Variants in GLS observed in about 807,000 individuals in gnomAD.
The protein encoded by GLS is glutaminase.
GLS carries 36 observed loss-of-function variants against 86.7 expected under a neutral mutation model. That is an observed-to-expected ratio of 0.42 (90% CI 0.32 to 0.55). GLS has a LOEUF of 0.55. GLS is among the 20% of genes least tolerant of loss of function. The probability of loss-of-function intolerance (pLI) is 0.17; values close to 1 mark genes in which losing one functional copy is unlikely to be tolerated. For synonymous variants in GLS, 317 were observed against 305.9 expected, an observed-to-expected ratio of 1.04 and a Z score of -0.38; for missense variants, 528 against 833.4, an observed-to-expected ratio of 0.63 and a Z score of 4.51.
intron 14 of GLS, among the ~76,000 whole-genome samples, chr2:190,945,254 G>A (rs138172158): frequency 6.6e-6 from 1 of 152,226 alleles, no homozygotes; most frequent in African/African-American, 2.4e-5. Context: ...CTATTTTGTT[G>A]TAAGTAATAT....
intron 12 of GLS, among the ~76,000 whole-genome samples, chr2:190,929,166 T>A (rs1210421454): frequency 6.6e-6 from 1 of 151,580 alleles, no homozygotes; most frequent in African/African-American, 2.4e-5. Context: ...ACATTAATTT[T>A]TTTTTTTATC....
intron 14 of GLS, among the ~76,000 whole-genome samples, chr2:190,940,187 T>C (rs1690384921): frequency 6.6e-6 from 1 of 151,960 alleles, no homozygotes; most frequent in Admixed American, 6.6e-5. Flanking sequence ...ATCCTTGAAG[T>C]ATATGCATCA....
intron 7 of GLS, among the ~76,000 whole-genome samples, chr2:190,912,448 C>G (rs72907246): frequency 0.023 from 3,170 of 138,884 alleles, 41 homozygotes; most frequent in Middle Eastern, 0.051. Flanking sequence ...TAATATTTTT[C>G]TTAGGATCTT....
At chr2:190,926,490 C>G (rs1397422447) in intron 11 of GLS, among the ~76,000 whole-genome samples, 3 of 152,114 alleles carry the variant, frequency 2.0e-5, no homozygotes, top group South Asian at 2.1e-4. Context: ...AAGTTGAACT[C>G]ATTCTTCTCC....
In GLS at chr2:190,953,650, A is replaced by G. The variant is rs370573394; in HGVS notation, c.1712+24A>G. On this transcript the variant is annotated intron_variant, in intron 15 of 17. Transcript: ENST00000320717. The surrounding 1 kb of genome is among the most constrained non-coding windows in gnomAD (Gnocchi z 4.0). Reference sequence around the variant, plus strand: ...AGGTATGTTTACAGGATGGATTAGCATGCACTTTACAGATATTTATGAAGT... The same window carrying G: ...AGGTATGTTTACAGGATGGATTAGCGTGCACTTTACAGATATTTATGAAGT... 1.6e-5 allele frequency: 24 copies of G among 1,498,796 alleles called. No homozygotes were observed. The highest frequency in any genetic ancestry group is 2.1e-5 in the Non-Finnish European group (23 of 1,075,382). The allele number at this position is 1,498,796 out of a possible 1,614,324, so 92.8% of individuals were successfully genotyped here.
In GLS at chr2:190,895,039, G is replaced by T; in HGVS notation, c.387-113G>T. On this transcript the variant is annotated intron_variant, in intron 1 of 17. Transcript: ENST00000320717. The surrounding 1 kb of genome is among the most constrained non-coding windows in gnomAD (Gnocchi z 4.2). ...ACATTTATTATGACTGTAGTCTTGAGTATATGAGCTCAGCTGTAGTCTAGT... is the reference window on the plus strand; with the variant it reads ...ACATTTATTATGACTGTAGTCTTGATTATATGAGCTCAGCTGTAGTCTAGT... 3.6e-6 allele frequency: 2 copies of T among 558,368 alleles called. No individual in the cohort carries two copies. Among genetic ancestry groups the T allele is most frequent in the Non-Finnish European group, 3.3e-6 (1 of 303,084 alleles). The allele number at this position is 558,368 out of a possible 1,614,324, so 34.6% of individuals were successfully genotyped here.
chr2:190,886,657 C>T (rs181413941), intron 1 of GLS, among the ~76,000 whole-genome samples: 22 of 152,104 alleles, frequency 1.4e-4, no homozygotes, highest in East Asian at 1.2e-3. Flanking sequence ...GGCTCATGCC[C>T]GTAATCCCAG....
chr2:190,912,505 GC>G (rs1190667170), intron 7 of GLS, among the ~76,000 whole-genome samples: 1 of 151,974 alleles, frequency 6.6e-6, no homozygotes, highest in African/African-American at 2.4e-5. Context: ...TGTGATCTCT[GC>G]AAATTGTATG....
rs1574629076 is a variant in GLS at position 190,965,107 on chromosome 2, G to A, written c.*2121G>A. 6.6e-6 allele frequency: 1 copy of A among 152,336 alleles called. No homozygotes were observed. Among genetic ancestry groups the A allele is most frequent in the Non-Finnish European group, 1.5e-5 (1 of 68,026 alleles). The allele number at this position is 152,336 out of a possible 1,614,324, so 9.4% of individuals were successfully genotyped here. A position where few individuals can be genotyped will look rare whatever the true frequency, so the allele number is the denominator to read the frequency against. ...ATTTGATTTAAATGCTGTTGACTGT[G>A]CTATTAACTGCTGCCGTCAGTAAAC... On this transcript the variant is annotated 3_prime_UTR_variant, in exon 18 of 18. Transcript: ENST00000320717. This position sits in a 1 kb window ranked among gnomAD's most constrained non-coding sequence, Gnocchi z 5.0.
chr2:190,921,793 CA>C lies in GLS; in HGVS notation c.1130+591del, dbSNP rs1432029513. Among the ~76,000 whole-genome samples the C allele has an allele frequency of 1.3e-5, 2 of 151,954 alleles. No individual in the cohort carries two copies. The highest frequency in any genetic ancestry group is 4.8e-5 in the African/African-American group (2 of 41,414). ...CTACATAACCACAATACCATTAACACATGTAAGAACGTTAACGTTAATTTTA... is the reference window on the plus strand; with the variant it reads ...CTACATAACCACAATACCATTAACACTGTAAGAACGTTAACGTTAATTTTA... On this transcript the variant is annotated intron_variant, in intron 9 of 17. Transcript: ENST00000320717. This position sits in a 1 kb window ranked among gnomAD's most constrained non-coding sequence, Gnocchi z 4.2.
At position 190,927,460 on chromosome 2, in the gene GLS, T is replaced by C; in HGVS notation, c.1403T>C (p.Phe468Ser). The change falls in exon 12 of 18, where the codon TTC becomes TCC. Residue 468 changes from phenylalanine (F) to serine (S), a missense_variant. Coordinates refer to ENST00000320717, the MANE Select transcript of GLS (RefSeq NM_014905.5). ...ATGCATTCCTGTGGCATGTATGACT[T>C]CTCAGGGCAGTTTGCTTTCCATGTA... is the stretch of plus-strand genomic sequence containing the variant. ...SLMHSCGMYD[F>S]SGQFAFHVGL... 1 of 1,609,918 alleles carries C rather than the reference T, an allele frequency of 6.2e-7. No individual in the cohort carries two copies. The highest frequency in any genetic ancestry group is 8.5e-7 in the Non-Finnish European group (1 of 1,178,274).
chr2:190,915,679 T>G (rs1689510074), intron 7 of GLS, among the ~76,000 whole-genome samples: 1 of 152,132 alleles, frequency 6.6e-6, no homozygotes, highest in Non-Finnish European at 1.5e-5. Context: ...CCTCCTATTT[T>G]CCAAAAGAAA....
chr2:190,943,760 G>T lies in GLS; in HGVS notation c.1651-9805G>T, dbSNP rs954644469. Among the ~76,000 whole-genome samples, 1 of 152,180 alleles carries T rather than the reference G, an allele frequency of 6.6e-6. No homozygotes were observed. Among genetic ancestry groups the T allele is most frequent in the African/African-American group, 2.4e-5 (1 of 41,444 alleles). The stretch of plus-strand genomic sequence containing the variant: ...AGTTACAGCATTAGAGAAACATACT[G>T]TTATTACACCTCTTCTGTGAGTATG... On this transcript the variant is annotated intron_variant, in intron 14 of 17. Coordinates refer to ENST00000320717, the MANE Select transcript of GLS (RefSeq NM_014905.5). The surrounding 1 kb of genome is among the most constrained non-coding windows in gnomAD (Gnocchi z 4.5).
intron 14 of GLS, among the ~76,000 whole-genome samples, chr2:190,944,956 A>G (rs1328493709): frequency 6.6e-6 from 1 of 152,138 alleles, no homozygotes; most frequent in African/African-American, 2.4e-5. Context: ...TGATTTTTCT[A>G]TAAATTGTTT....
At chr2:190,919,797 A>C (rs1689676436) in intron 7 of GLS, 1 of 350,742 alleles carries the variant, frequency 2.9e-6, no homozygotes, top group Non-Finnish European at 4.0e-6. Flanking sequence ...TAGAGAAAAT[A>C]CATAGATAGT....
rs1688776182 is a variant in GLS, at chr2:190,897,268, A to G, written c.605+1543A>G. On this transcript the variant is annotated intron_variant, in intron 3 of 17. Transcript: ENST00000320717. This position sits in a 1 kb window ranked among gnomAD's most constrained non-coding sequence, Gnocchi z 4.3. ...TCGAACTCCTGACCTCAGGTAATCC[A>G]TCCGCCTCGGCCTCCTAAAGTTACA... Among the ~76,000 whole-genome samples the G allele has an allele frequency of 1.3e-5, 2 of 152,116 alleles. No individual in the cohort carries two copies. Among genetic ancestry groups the G allele is most frequent in the South Asian group, 4.1e-4 (2 of 4,824 alleles).
At chr2:190,927,163 G>A (rs1355535573) in intron 11 of GLS, 143 bp from the exon 12 acceptor site, 1 of 698,812 alleles carries the variant, frequency 1.4e-6, no homozygotes, top group Non-Finnish European at 2.2e-6. Flanking sequence ...AAAATCTTCA[G>A]AATGTCCTCA....
chr2:190,930,454 A>G lies in GLS; in HGVS notation c.1443A>G (p.Lys481=). The part of the protein sequence containing the change: ...QFAFHVGLPA[K]SGVAGGILLV... ...ATTTTTAGGTTGGTCTTCCTGCAAA[A>G]TCTGGAGTTGCTGGGGGCATTCTTT... The change falls in exon 13 of 18, where the codon AAA becomes AAG. Residue 481 remains lysine (K), a synonymous_variant. Transcript: ENST00000320717. This position sits in a 1 kb window ranked among gnomAD's most constrained non-coding sequence, Gnocchi z 5.0. 4.3e-6 allele frequency: 7 copies of G among 1,609,994 alleles called. No homozygotes were observed. Among genetic ancestry groups the G allele is most frequent in the Non-Finnish European group, 6.0e-6 (7 of 1,176,432 alleles).
Position 190,880,925 on chromosome 2 carries a change from C to T in GLS, c.-160C>T. 1 of 977,796 alleles carries T rather than the reference C, an allele frequency of 1.0e-6. No individual in the cohort carries two copies. The highest frequency in any genetic ancestry group is 1.5e-6 in the Non-Finnish European group (1 of 649,076). The allele number at this position is 977,796 out of a possible 1,614,324, so 60.6% of individuals were successfully genotyped here. A position where few individuals can be genotyped will look rare whatever the true frequency, so the allele number is the denominator to read the frequency against. On this transcript the variant is annotated 5_prime_UTR_variant, in exon 1 of 18. Transcript: ENST00000320717. ...GCAGCAGCAGCAGCAGCAGCACCCG[C>T]ATCCGCTGCGGGAGTCCGAGCCGGA... is the stretch of plus-strand genomic sequence containing the variant.
Sources: gnomAD v4.1 joint callset for allele counts (sites outside exome capture counted in the v4.1 genomes callset) on GRCh38, gnomAD v4.1.1 for gene constraint, Gnocchi (gnomAD v3.1) non-coding constraint, MANE v1.5 for transcripts, NCBI Gene and HGNC (gene_info 2026-07-23, HGNC 2026-07-21) for gene names.